PHACTR1: variants seen among roughly 807,000 people sequenced by gnomAD.
The protein encoded by PHACTR1 is phosphatase and actin regulator 1, also known as RPEL repeat containing 1.
PHACTR1 carries 16 observed loss-of-function variants against 69.2 expected under a neutral mutation model. That is an observed-to-expected ratio of 0.23 (90% confidence interval 0.16 to 0.35). The LOEUF (loss-of-function observed/expected upper bound fraction) is 0.35. Among genes scored for constraint, PHACTR1 ranks in the 10% least tolerant of loss-of-function variants. The pLI is 1.00. For missense variants in PHACTR1, 510 were observed against 734.7 expected, an observed-to-expected ratio of 0.69 and a Z score of 3.54; for synonymous variants, 312 against 284.5, an observed-to-expected ratio of 1.10 and a Z score of -0.97.
At chr6:13,002,860 G>A (rs779809792) in intron 4 of PHACTR1, among the ~76,000 whole-genome samples, 1 of 152,182 alleles carries the variant, frequency 6.6e-6, no homozygotes, top group African/African-American at 2.4e-5. Context: ...ATGCATTAAT[G>A]CCCTGAAGTA....
intron 4 of PHACTR1, among the ~76,000 whole-genome samples, chr6:12,773,809 A>G (rs1308401158): frequency 3.3e-5 from 5 of 152,340 alleles, no homozygotes; most frequent in East Asian, 3.9e-4. Context: ...TTCCCATTCT[A>G]CAAGTCAGAA....
At chr6:13,254,263 A>C (rs1774882035) in intron 10 of PHACTR1, among the ~76,000 whole-genome samples, 2 of 152,190 alleles carry the variant, frequency 1.3e-5, no homozygotes, top group Non-Finnish European at 1.5e-5. Context: ...TTTAAAAAAA[A>C]ACCAACTGGG....
chr6:13,217,596 A>C (rs1767878789), intron 8 of PHACTR1, among the ~76,000 whole-genome samples: 1 of 152,132 alleles, frequency 6.6e-6, no homozygotes, highest in African/African-American at 2.4e-5. Flanking sequence ...TGAACAAATT[A>C]ATTTAAATCC....
Position 13,283,343 on chromosome 6 carries a change from C to A in PHACTR1, c.1510-79C>A, listed in dbSNP as rs1780730661. 1.3e-6 allele frequency: 2 copies of A among 1,490,150 alleles called. No homozygotes were observed. Among genetic ancestry groups the A allele is most frequent in the Non-Finnish European group, 1.8e-6 (2 of 1,103,670 alleles). 92.3% of individuals were successfully genotyped at this position (1,490,150 alleles called of 1,614,324 possible). A position where few individuals can be genotyped will look rare whatever the true frequency, so the allele number is the denominator to read the frequency against. On this transcript the variant is annotated intron_variant, in intron 12 of 14. Coordinates refer to ENST00000332995, the MANE Select transcript of PHACTR1 (RefSeq NM_030948.6). This position sits in a 1 kb window ranked among gnomAD's most constrained non-coding sequence, Gnocchi z 4.7. ...GCCTCACTGAACCTTATTTTCCACACCTGCAAGTTCACAGACAGGACCAAG... is the reference window on the plus strand; with the variant it reads ...GCCTCACTGAACCTTATTTTCCACAACTGCAAGTTCACAGACAGGACCAAG...
At chr6:12,740,857 C>T (rs1490411450) in intron 3 of PHACTR1, among the ~76,000 whole-genome samples, 5 of 151,872 alleles carry the variant, frequency 3.3e-5, no homozygotes, top group South Asian at 2.1e-4. Context: ...GTGATAACTC[C>T]TATTTAATTC....
intron 4 of PHACTR1, among the ~76,000 whole-genome samples, chr6:12,963,021 T>C (rs1217050985): frequency 1.3e-5 from 2 of 152,160 alleles, no homozygotes; most frequent in Non-Finnish European, 2.9e-5. Context: ...GATTTATATA[T>C]TTTTGAAACA....
chr6:12,760,228 A>G (rs1260450601), intron 4 of PHACTR1, among the ~76,000 whole-genome samples: 1 of 152,222 alleles, frequency 6.6e-6, no homozygotes, highest in Non-Finnish European at 1.5e-5. Flanking sequence ...TTACAAATTC[A>G]GAAACACTCA....
chr6:13,134,877 A>G, intron 5 of PHACTR1, among the ~76,000 whole-genome samples: 1 of 151,914 alleles, frequency 6.6e-6, no homozygotes, highest in South Asian at 2.1e-4. Context: ...AGGGGCTGAT[A>G]AACTGAGATA....
At chr6:12,927,085 A>T (rs572287280) in intron 4 of PHACTR1, among the ~76,000 whole-genome samples, 145 of 152,382 alleles carry the variant, frequency 9.5e-4, no homozygotes, top group African/African-American at 3.3e-3. Flanking sequence ...TGCTGCTGGC[A>T]TAGCACATAT....
chr6:12,941,117 A>G (rs1790012392), intron 4 of PHACTR1, among the ~76,000 whole-genome samples: 1 of 152,160 alleles, frequency 6.6e-6, no homozygotes, highest in South Asian at 2.1e-4. Context: ...AGTGAGGCTC[A>G]GGGTCAAGGG....
intron 4 of PHACTR1, among the ~76,000 whole-genome samples, chr6:12,886,961 C>T (rs530244329): frequency 3.1e-4 from 47 of 152,182 alleles, no homozygotes; most frequent in African/African-American, 9.4e-4. Context: ...AGGTGGTGGT[C>T]GGTTTCAGAG....
chr6:12,759,773 G>C (rs911253420), intron 4 of PHACTR1, among the ~76,000 whole-genome samples: 1 of 152,168 alleles, frequency 6.6e-6, no homozygotes, highest in Admixed American at 6.6e-5. Flanking sequence ...CTAGGACCAT[G>C]GAAGTCATCA....
chr6:13,250,347 A>G (rs977289057), intron 10 of PHACTR1, among the ~76,000 whole-genome samples: 1 of 152,212 alleles, frequency 6.6e-6, no homozygotes, highest in Admixed American at 6.5e-5. Context: ...TCATTACTCT[A>G]ATCATCAAAA....
intron 4 of PHACTR1, among the ~76,000 whole-genome samples, chr6:12,821,340 G>A (rs1419449164): frequency 1.3e-5 from 2 of 151,880 alleles, no homozygotes; most frequent in Non-Finnish European, 2.9e-5. Flanking sequence ...GCACACATCT[G>A]TAATTCTAAC....
chr6:12,797,057 G>GAGAA (rs1220484589), intron 4 of PHACTR1, among the ~76,000 whole-genome samples: 1 of 150,972 alleles, frequency 6.6e-6, no homozygotes. Flanking sequence ...GAGAGAGAGA[G>GAGAA]GGATATGAAT....
chr6:12,851,799 A>G (rs1779853002), intron 4 of PHACTR1, among the ~76,000 whole-genome samples: 1 of 152,106 alleles, frequency 6.6e-6, no homozygotes, highest in Non-Finnish European at 1.5e-5. Context: ...TGGTACTACC[A>G]CTGAAAAACA....
intron 6 of PHACTR1, among the ~76,000 whole-genome samples, chr6:13,166,027 T>C (rs1583674877): frequency 6.6e-6 from 1 of 152,196 alleles, no homozygotes; most frequent in African/African-American, 2.4e-5. Context: ...TCGTTTTCAC[T>C]CTCTTCATCC....
At chr6:13,135,760 T>C (rs1456074431) in intron 5 of PHACTR1, among the ~76,000 whole-genome samples, 1 of 152,092 alleles carries the variant, frequency 6.6e-6, no homozygotes, top group Non-Finnish European at 1.5e-5. Context: ...GGCTCATGCC[T>C]ATAATCTCAG....
intron 4 of PHACTR1, among the ~76,000 whole-genome samples, chr6:13,006,171 T>C (rs1478155215): frequency 1.3e-5 from 2 of 152,228 alleles, no homozygotes; most frequent in African/African-American, 2.4e-5. Flanking sequence ...AGATGATAGA[T>C]AAGAACCTAT....
Sources: gnomAD v4.1 joint callset for allele counts (sites outside exome capture counted in the v4.1 genomes callset) on GRCh38, gnomAD v4.1.1 for gene constraint, Gnocchi (gnomAD v3.1) non-coding constraint, MANE v1.5 for transcripts, NCBI Gene and HGNC (gene_info 2026-07-23, HGNC 2026-07-21) for gene names.